SLC25A28: variants seen among roughly 807,000 people sequenced by gnomAD.
SLC25A28 encodes mitoferrin-2.
In SLC25A28, 10 loss-of-function variants were observed where a neutral mutation model predicts 31.9. That is an observed-to-expected ratio of 0.31 (90% CI 0.19 to 0.53). The LOEUF (loss-of-function observed/expected upper bound fraction) is 0.53. Ranked by LOEUF, SLC25A28 falls within the 20% of genes least tolerant of loss-of-function variation. SLC25A28 has a pLI of 0.95. For synonymous variants in SLC25A28, 208 were observed against 203.6 expected (o/e 1.02, Z -0.19); for missense variants, 256 against 490.3 (o/e 0.52, Z 4.51).
chr10:99,647,733 T>C, the SLC25A28 span, among the ~76,000 whole-genome samples: 1 of 152,190 alleles, frequency 6.6e-6, no homozygotes, highest in Non-Finnish European at 1.5e-5. Flanking sequence ...TTTGCCTAGG[T>C]CAATGTCCAG....
chr10:99,635,677 C>CAAAA, the SLC25A28 span, among the ~76,000 whole-genome samples: 122 of 146,792 alleles, frequency 8.3e-4, 1 homozygote, highest in South Asian at 1.7e-3. Context: ...GATTCCATCT[C>CAAAA]AAAAAAAAAA....
chr10:99,619,032 T>A, intron 1 of SLC25A28: 1 of 985,392 alleles, frequency 1.0e-6, no homozygotes, highest in Non-Finnish European at 1.2e-6. Context: ...CTCAATTCAG[T>A]CCTCACCTTT....
chr10:99,642,816 G>A, the SLC25A28 span, among the ~76,000 whole-genome samples: 1 of 152,126 alleles, frequency 6.6e-6, no homozygotes, highest in African/African-American at 2.4e-5. Flanking sequence ...TGCATCTATT[G>A]AGATAATCAT....
upstream of SLC25A28, among the ~76,000 whole-genome samples, chr10:99,622,337 T>C (rs956519818): frequency 6.6e-6 from 1 of 151,954 alleles, no homozygotes. Context: ...CTCAAAAAAA[T>C]TTTTTTAAAA....
the SLC25A28 span, among the ~76,000 whole-genome samples, chr10:99,645,948 C>T: frequency 6.6e-6 from 1 of 152,202 alleles, no homozygotes; most frequent in Non-Finnish European, 1.5e-5. Context: ...GGCACCCAGC[C>T]ATATGAGGTG....
At chr10:99,618,000 A>G (rs1338293764) in intron 1 of SLC25A28, among the ~76,000 whole-genome samples, 2 of 152,198 alleles carry the variant, frequency 1.3e-5, no homozygotes, top group East Asian at 3.8e-4. Context: ...TCAGAAGTAA[A>G]GCAGTCTCCT....
Position 99,611,494 on chromosome 10 carries a change from C to G in SLC25A28, c.578-128G>C. On this transcript the variant is annotated intron_variant, in intron 3 of 3. Transcript: ENST00000370495. This position sits in a 1 kb window ranked among gnomAD's most constrained non-coding sequence, Gnocchi z 5.5. ...AGAGAGAGAAAAAAGTATGAGTGAG[C>G]TGCTGGCTAACCTGAGAAGTCAGCT... 8.4e-7 allele frequency: 1 copy of G among 1,188,314 alleles called. No homozygotes were observed. The highest frequency in any genetic ancestry group is 1.2e-6 in the Non-Finnish European group (1 of 851,590). 73.6% of individuals were successfully genotyped at this position (1,188,314 alleles called of 1,614,324 possible).
intron 1 of SLC25A28, chr10:99,619,177 A>G (rs902003980): frequency 1.8e-5 from 18 of 985,290 alleles, no homozygotes; most frequent in Non-Finnish European, 2.0e-5. Context: ...TGTGAATGCA[A>G]TTAGTTTTAC....
At chr10:99,626,884 C>T in the SLC25A28 span, among the ~76,000 whole-genome samples, 3 of 151,954 alleles carry the variant, frequency 2.0e-5, no homozygotes, top group African/African-American at 7.2e-5. Flanking sequence ...ATTCCTTATT[C>T]CACTTTTGTC....
chr10:99,616,926 C>T, intron 1 of SLC25A28: 4 of 978,690 alleles, frequency 4.1e-6, no homozygotes, highest in Non-Finnish European at 4.9e-6. Context: ...GCTTGGCACA[C>T]AAGATCACTG....
chr10:99,655,685 T>C, the SLC25A28 span, among the ~76,000 whole-genome samples: 1 of 152,214 alleles, frequency 6.6e-6, no homozygotes, highest in Non-Finnish European at 1.5e-5. Flanking sequence ...CCCTCCTCCC[T>C]GGGCATTCTT....
At chr10:99,644,737 T>A in the SLC25A28 span, among the ~76,000 whole-genome samples, 11 of 152,322 alleles carry the variant, frequency 7.2e-5, 1 homozygote, top group South Asian at 2.3e-3. Flanking sequence ...GGAGCTCTTG[T>A]AAGGCAGGCC....
At chr10:99,659,248 G>C in the SLC25A28 span, among the ~76,000 whole-genome samples, 1 of 152,224 alleles carries the variant, frequency 6.6e-6, no homozygotes, top group Non-Finnish European at 1.5e-5. This position sits in a 1 kb window ranked among gnomAD's most constrained non-coding sequence, Gnocchi z 4.1. Flanking sequence ...CCACTCACCT[G>C]TGAGCTCTCC....
the SLC25A28 span, among the ~76,000 whole-genome samples, chr10:99,642,809 A>T: frequency 6.6e-6 from 1 of 152,218 alleles, no homozygotes; most frequent in African/African-American, 2.4e-5. Flanking sequence ...CCTTTGCTGC[A>T]TCTATTGAGA....
rs748098887 is a variant in SLC25A28 at position 99,611,163 on chromosome 10, G to C, written c.781C>G (p.Pro261Ala). ...GCTCCAGAGAGGACGTGGGAGCTTG[G>C]GTTGTACCGTCTCTGGGGGTTAAAG... ...EHFNPQRRYN[P>A]SSHVLSGACA... Residue 261 changes from proline (P) to alanine (A), a missense_variant, in exon 4 of 4, where the codon CCA becomes GCA. By Grantham distance (27) the Pro-to-Ala change is conservative. Transcript: ENST00000370495. This position sits in a 1 kb window ranked among gnomAD's most constrained non-coding sequence, Gnocchi z 5.5. 1 of 1,614,154 alleles carries C rather than the reference G, an allele frequency of 6.2e-7. No individual in the cohort carries two copies. Among genetic ancestry groups the C allele is most frequent in the Non-Finnish European group, 8.5e-7 (1 of 1,180,034 alleles).
chr10:99,622,757 C>T (rs2034819895), upstream of SLC25A28: 1 of 959,210 alleles, frequency 1.0e-6, no homozygotes, highest in Admixed American at 6.2e-5. Flanking sequence ...ATCTTTAATA[C>T]CTTAGAGAAC....
the SLC25A28 span, among the ~76,000 whole-genome samples, chr10:99,654,758 G>A: frequency 6.6e-6 from 1 of 152,130 alleles, no homozygotes; most frequent in Non-Finnish European, 1.5e-5. Context: ...AAAAAGAAAT[G>A]GGCTCTTGCT....
chr10:99,620,468 G>A (rs2034766478), upstream of SLC25A28: 4 of 1,044,788 alleles, frequency 3.8e-6, no homozygotes, highest in Non-Finnish European at 4.6e-6. Context: ...TTGGCCCCGC[G>A]GACACGCCCC....
Position 99,610,617 on chromosome 10 carries a change from G to T in SLC25A28, c.*232C>A. 1.8e-6 allele frequency: 1 copy of T among 562,540 alleles called. No individual in the cohort carries two copies. The highest frequency in any genetic ancestry group is 3.1e-5 in the Admixed American group (1 of 32,442). The allele number at this position is 562,540 out of a possible 1,614,324, so 34.8% of individuals were successfully genotyped here. A position where few individuals can be genotyped will look rare whatever the true frequency, so the allele number is the denominator to read the frequency against. On this transcript the variant is annotated 3_prime_UTR_variant, in exon 4 of 4. Transcript: ENST00000370495. Reference sequence around the variant, plus strand: ...GGTCATCAGGCCCAGGATGGAGAGAGGTTATCAAAGGTGCTGTGGTGTGCT... The same window carrying T: ...GGTCATCAGGCCCAGGATGGAGAGATGTTATCAAAGGTGCTGTGGTGTGCT...
Sources: allele counts gnomAD v4.1 joint callset (sites outside exome capture counted in the v4.1 genomes callset), GRCh38; gene constraint gnomAD v4.1.1; non-coding constraint Gnocchi (gnomAD v3.1); transcripts MANE v1.5; gene names NCBI Gene and HGNC (gene_info 2026-07-23, HGNC 2026-07-21).